The following RBFOX3 variants were observed in gnomAD, a reference collection of about 807,000 sequenced individuals.
The protein encoded by RBFOX3 is RNA binding fox-1 homolog 3.
In RBFOX3, 17 loss-of-function variants were observed where a neutral mutation model predicts 48.7. The ratio of observed to expected loss-of-function variants is 0.35; its 90% CI spans 0.24 to 0.52. The LOEUF (loss-of-function observed/expected upper bound fraction) is 0.52. Ranked by LOEUF, RBFOX3 falls within the 20% of genes least tolerant of loss-of-function variation. The pLI is 0.94. For missense variants in RBFOX3, 382 were observed against 497.5 expected (o/e 0.77, Z 2.21); for synonymous variants, 212 against 209.5 (o/e 1.01, Z -0.10).
intron 3 of RBFOX3, among the ~76,000 whole-genome samples, chr17:79,257,389 G>A (rs933064428): frequency 1.3e-5 from 2 of 152,232 alleles, no homozygotes; most frequent in South Asian, 2.1e-4. Context: ...ATACAAACCC[G>A]AGACCAAAAA....
At chr17:79,366,572 C>A (rs1160377601) in intron 2 of RBFOX3, among the ~76,000 whole-genome samples, 1 of 152,200 alleles carries the variant, frequency 6.6e-6, no homozygotes, top group Non-Finnish European at 1.5e-5. Context: ...CTGCTGTCTG[C>A]CGGCGAGAGA....
At chr17:79,210,691 G>C (rs2058262299) in intron 4 of RBFOX3, among the ~76,000 whole-genome samples, 1 of 152,244 alleles carries the variant, frequency 6.6e-6, no homozygotes, top group East Asian at 1.9e-4. Flanking sequence ...AAGAGATGGG[G>C]CTGGGGTAGG....
At chr17:79,213,203 C>T (rs897310772) in intron 4 of RBFOX3, among the ~76,000 whole-genome samples, 9 of 152,194 alleles carry the variant, frequency 5.9e-5, no homozygotes, top group African/African-American at 1.9e-4. Context: ...TAAAGTTCCC[C>T]TGTTTCTCTT....
chr17:79,357,286 C>T (rs1205952561), intron 2 of RBFOX3, among the ~76,000 whole-genome samples: 1 of 152,226 alleles, frequency 6.6e-6, no homozygotes, highest in Non-Finnish European at 1.5e-5. Context: ...CGAAACAAAA[C>T]AAACACTAGC....
At chr17:79,320,959 G>A (rs779069354) in intron 2 of RBFOX3, among the ~76,000 whole-genome samples, 18 of 152,264 alleles carry the variant, frequency 1.2e-4, no homozygotes, top group South Asian at 2.1e-4. Context: ...AAAAGCTCCC[G>A]TCACAGCAAC....
chr17:79,351,184 T>C (rs967148688), intron 2 of RBFOX3, among the ~76,000 whole-genome samples: 3 of 152,242 alleles, frequency 2.0e-5, no homozygotes, highest in African/African-American at 7.2e-5. Context: ...GCTTTGCTTC[T>C]ACGCTTTGGC....
At chr17:79,281,705 C>T (rs912692339) in intron 3 of RBFOX3, among the ~76,000 whole-genome samples, 8 of 152,244 alleles carry the variant, frequency 5.3e-5, no homozygotes, top group African/African-American at 1.9e-4. Flanking sequence ...GGAATTCACA[C>T]CCAATGGTGT....
intron 3 of RBFOX3, among the ~76,000 whole-genome samples, chr17:79,280,838 T>C (rs2070247759): frequency 3.3e-5 from 1 of 30,606 alleles, no homozygotes; most frequent in African/African-American, 1.1e-4. Context: ...GGCTGTCCCA[T>C]TGTGGGGGGG....
chr17:79,456,457 T>C (rs1436364466), intron 2 of RBFOX3, among the ~76,000 whole-genome samples: 4 of 149,102 alleles, frequency 2.7e-5, no homozygotes, highest in Non-Finnish European at 5.9e-5. Context: ...ACCCCAGACA[T>C]TGCCATGCAT....
intron 4 of RBFOX3, among the ~76,000 whole-genome samples, chr17:79,217,113 C>A (rs1409475602): frequency 2.0e-5 from 3 of 152,226 alleles, no homozygotes; most frequent in African/African-American, 2.4e-5. Context: ...CACGGCCAAG[C>A]TGAAAGGGCC....
intron 2 of RBFOX3, among the ~76,000 whole-genome samples, chr17:79,451,843 G>C (rs1272482885): frequency 6.6e-6 from 1 of 152,238 alleles, no homozygotes; most frequent in African/African-American, 2.4e-5. Flanking sequence ...CGTTAGGTGG[G>C]GCCTAGTGCC....
chr17:79,170,023 C>A (rs1345675573), intron 4 of RBFOX3, among the ~76,000 whole-genome samples: 2 of 135,280 alleles, frequency 1.5e-5, no homozygotes, highest in Non-Finnish European at 1.5e-5. Context: ...GAGGGAAGGG[C>A]AGGAAGGAGA....
chr17:79,287,248 G>A (rs1312125684), intron 3 of RBFOX3, among the ~76,000 whole-genome samples: 1 of 152,200 alleles, frequency 6.6e-6, no homozygotes, highest in Non-Finnish European at 1.5e-5. Flanking sequence ...CTGCTCCCAG[G>A]TGCGAGAAGG....
At chr17:79,614,284 C>T (rs945696285), upstream of RBFOX3, among the ~76,000 whole-genome samples, 5 of 152,246 alleles carry the variant, frequency 3.3e-5, no homozygotes, top group Non-Finnish European at 7.3e-5. Context: ...GACAGAGGGG[C>T]GTCCTGCACG....
At chr17:79,587,434 C>T (rs1455694740) in intron 1 of RBFOX3, among the ~76,000 whole-genome samples, 3 of 152,250 alleles carry the variant, frequency 2.0e-5, no homozygotes, top group Admixed American at 1.3e-4. Context: ...TAGACACCAG[C>T]AAGGCTAGGG....
chr17:79,415,577 A>G (rs2065210431), intron 2 of RBFOX3, among the ~76,000 whole-genome samples: 1 of 152,088 alleles, frequency 6.6e-6, no homozygotes, highest in African/African-American at 2.4e-5. Context: ...AAGCTTTCCA[A>G]AGCCACTCTG....
At position 79,243,212 on chromosome 17, in the gene RBFOX3, C is replaced by A. The variant is rs1167748336; in HGVS notation, c.-73-7407G>T. Among the ~76,000 whole-genome samples the A allele has an allele frequency of 3.3e-5, 5 of 151,886 alleles. No individual in the cohort carries two copies. Among genetic ancestry groups the A allele is most frequent in the African/African-American group, 7.3e-5 (3 of 41,346 alleles). On this transcript the variant is annotated intron_variant, in intron 3 of 14. Coordinates refer to ENST00000693108, the MANE Select transcript of RBFOX3 (RefSeq NM_001350451.2). The surrounding 1 kb of genome is among the most constrained non-coding windows in gnomAD (Gnocchi z 7.9). Reference sequence around the variant, plus strand: ...TGCAGCTGAGTTTGCGCGAGACCCACCTGACCACAACCTTGTGCTTAGAGC... The same window carrying A: ...TGCAGCTGAGTTTGCGCGAGACCCAACTGACCACAACCTTGTGCTTAGAGC...
At chr17:79,411,525 C>T (rs2064338357) in intron 2 of RBFOX3, among the ~76,000 whole-genome samples, 1 of 152,162 alleles carries the variant, frequency 6.6e-6, no homozygotes, top group Admixed American at 6.5e-5. Context: ...CCATCAGTTC[C>T]CTCCTTGGGG....
In RBFOX3 at chr17:79,096,931, C is replaced by T. The variant is rs956140015; in HGVS notation, c.756-98G>A. 1.0e-4 allele frequency: 63 copies of T among 607,660 alleles called. 2 individuals carry two copies. The South Asian group carries it at 1.1e-3, about 10-fold the overall frequency. 37.6% of individuals were successfully genotyped at this position (607,660 alleles called of 1,614,324 possible). A position where few individuals can be genotyped will look rare whatever the true frequency, so the allele number is the denominator to read the frequency against. On this transcript the variant is annotated intron_variant, in intron 11 of 14. Coordinates refer to ENST00000693108, the MANE Select transcript of RBFOX3 (RefSeq NM_001350451.2). Reference sequence around the variant, plus strand: ...GCCCACCCGACCCCAGGCAGCTGTGCCCCCCACCCCTTTAGTGATGGAGGG... The same window carrying T: ...GCCCACCCGACCCCAGGCAGCTGTGTCCCCCACCCCTTTAGTGATGGAGGG...
Sources: gnomAD v4.1 joint callset for allele counts (sites outside exome capture counted in the v4.1 genomes callset) on GRCh38, gnomAD v4.1.1 for gene constraint, Gnocchi (gnomAD v3.1) non-coding constraint, MANE v1.5 for transcripts, NCBI Gene and HGNC (gene_info 2026-07-23, HGNC 2026-07-21) for gene names.